KMT2E: variants seen among roughly 807,000 people sequenced by gnomAD.
KMT2E encodes the protein lysine methyltransferase 2E (inactive).
Under a neutral mutation model 184.6 loss-of-function variants are expected in KMT2E, and 30 were observed. The ratio of observed to expected loss-of-function variants is 0.16; its 90% CI spans 0.12 to 0.22. The LOEUF is 0.22. KMT2E is among the 10% of genes least tolerant of loss of function. The pLI is 1.00. For synonymous variants in KMT2E, 815 were observed against 776.5 expected, an observed-to-expected ratio of 1.05 and a Z score of -0.82; for missense variants, 2,023 against 2,237.4, an observed-to-expected ratio of 0.90 and a Z score of 1.93.
chr7:105,098,048 G>A (rs981427234), intron 15 of KMT2E, among the ~76,000 whole-genome samples: 3 of 152,110 alleles, frequency 2.0e-5, no homozygotes, highest in South Asian at 2.1e-4. Context: ...CAAGCCATAC[G>A]TGTTATTTTG....
chr7:105,111,903 A>C lies in KMT2E; in HGVS notation c.4147A>C (p.Thr1383Pro). Residue 1383 changes from threonine to proline, a missense_variant, in exon 27 of 27, where the codon ACA (threonine) becomes CCA (proline). Transcript: ENST00000311117. Reference sequence around the variant, plus strand: ...AAAACCAGATCCCCAATGGGACTCCACAGTTAGTGCATCCGAAGCTGAAAA... The same window carrying C: ...AAAACCAGATCCCCAATGGGACTCCCCAGTTAGTGCATCCGAAGCTGAAAA... ...FTKPDPQWDS[T>P]VSASEAENGV... 1 of 1,614,196 alleles carries C rather than the reference A, an allele frequency of 6.2e-7. No individual in the cohort carries two copies. Among genetic ancestry groups the C allele is most frequent in the Non-Finnish European group, 8.5e-7 (1 of 1,180,026 alleles).
At chr7:105,036,111 C>G (rs1468279902) in intron 1 of KMT2E, among the ~76,000 whole-genome samples, 1 of 149,290 alleles carries the variant, frequency 6.7e-6, no homozygotes, top group East Asian at 2.0e-4. Flanking sequence ...ATTATAAATT[C>G]TAGATTATTT....
chr7:105,058,020 C>T (rs1796644149), intron 3 of KMT2E, among the ~76,000 whole-genome samples: 1 of 152,144 alleles, frequency 6.6e-6, no homozygotes, highest in Non-Finnish European at 1.5e-5. Context: ...TCTATAACAA[C>T]CCCCTCTTTT....
intron 8 of KMT2E, 132 bp downstream of exon 8, chr7:105,074,947 A>G: frequency 1.6e-6 from 1 of 630,294 alleles, no homozygotes; most frequent in South Asian, 3.8e-5. Context: ...TTATTTTTAA[A>G]CAATTAAACT....
At chr7:105,040,156 T>G (rs1023515221) in intron 2 of KMT2E, among the ~76,000 whole-genome samples, 15 of 152,144 alleles carry the variant, frequency 9.9e-5, no homozygotes, top group Admixed American at 2.6e-4. Context: ...GTAATCAAAT[T>G]TTTACAAATA....
chr7:105,108,645 C>T (rs1799014500), intron 22 of KMT2E: 2 of 452,270 alleles, frequency 4.4e-6, no homozygotes, highest in Non-Finnish European at 4.3e-6. Flanking sequence ...CACTCACCAG[C>T]TGTGTGACCT....
Position 105,112,440 on chromosome 7 carries a change from C to T in KMT2E, c.4684C>T (p.Pro1562Ser), listed in dbSNP as rs767266117. 20 of 1,613,680 alleles carry T rather than the reference C, an allele frequency of 1.2e-5. No homozygotes were observed. Among genetic ancestry groups the T allele is most frequent in the Non-Finnish European group, 1.7e-5 (20 of 1,179,958 alleles). ...PSSSYYQNQQ[P>S]SANFQNYNQL... The stretch of plus-strand genomic sequence containing the variant: ...TTCGTCTTACTATCAAAACCAGCAG[C>T]CCTCTGCAAACTTTCAGAATTATAA... The change falls in exon 27 of 27, where the codon CCC becomes TCC. Residue 1562 changes from proline (P) to serine (S), a missense_variant. Physicochemically the swap from Pro to Ser is moderately conservative, Grantham distance 74. Coordinates refer to ENST00000311117, the MANE Select transcript of KMT2E (RefSeq NM_182931.3).
At chr7:105,063,000 CT>C (rs11336645) in intron 4 of KMT2E, among the ~76,000 whole-genome samples, 46,026 of 140,130 alleles carry the variant, frequency 0.33, 7,428 homozygotes, top group Non-Finnish European at 0.37. Context: ...TTTTCTTTTT[CT>C]TTTTTTTTTT....
chr7:105,061,437 G>A (rs990494926), intron 3 of KMT2E, among the ~76,000 whole-genome samples: 2 of 152,168 alleles, frequency 1.3e-5, no homozygotes, highest in Admixed American at 6.6e-5. Context: ...TCAGATGTAG[G>A]TTCACAACCT....
Position 105,023,446 on chromosome 7 carries a change from AT to A in KMT2E, c.-189+8927del, listed in dbSNP as rs768807801. On this transcript the variant is annotated intron_variant, in intron 1 of 26. Coordinates refer to ENST00000311117, the MANE Select transcript of KMT2E (RefSeq NM_182931.3). ...AAGAGAGACAAAAATTCATTAAGCA[AT>A]TTTTTTTTTTTTTTTGAGATGGAGT... Among the ~76,000 whole-genome samples, 588 of 129,280 alleles carry A rather than the reference AT, an allele frequency of 4.5e-3. 11 individuals carry two copies. In the East Asian group the frequency reaches 0.051, roughly 11 times the overall value. 84.8% of individuals were successfully genotyped at this position (129,280 alleles called of 152,430 possible). A position where few individuals can be genotyped will look rare whatever the true frequency, so the allele number is the denominator to read the frequency against.
chr7:105,060,901 T>G (rs758647961), intron 3 of KMT2E, among the ~76,000 whole-genome samples: 35 of 152,350 alleles, frequency 2.3e-4, no homozygotes, highest in South Asian at 1.0e-3. Context: ...TATAGTAGGC[T>G]ATACCATCTA....
chr7:105,056,951 G>GT (rs1315824817), intron 3 of KMT2E, among the ~76,000 whole-genome samples: 5 of 152,130 alleles, frequency 3.3e-5, no homozygotes, highest in African/African-American at 1.2e-4. Flanking sequence ...AAAATGCCTC[G>GT]TTATAAAAGA....
chr7:105,103,241 A>T (rs1798735425), intron 17 of KMT2E: 1 of 152,126 alleles, frequency 6.6e-6, no homozygotes, highest in Admixed American at 6.5e-5. Flanking sequence ...TGGTACGATA[A>T]ATTTATTTAA....
chr7:105,094,282 G>A (rs1472234055), intron 15 of KMT2E, among the ~76,000 whole-genome samples: 5 of 152,126 alleles, frequency 3.3e-5, no homozygotes, highest in African/African-American at 1.2e-4. Context: ...GTGACAAAGA[G>A]GGACAACTAA....
At chr7:105,069,300 C>A (rs1343889148) in intron 6 of KMT2E, among the ~76,000 whole-genome samples, 1 of 152,174 alleles carries the variant, frequency 6.6e-6, no homozygotes, top group Non-Finnish European at 1.5e-5. Context: ...TTTTATGTAG[C>A]TGTTTCATGT....
intron 3 of KMT2E, among the ~76,000 whole-genome samples, chr7:105,060,087 C>T (rs1049683726): frequency 1.9e-4 from 27 of 140,134 alleles, no homozygotes; most frequent in African/African-American, 6.3e-4. Flanking sequence ...CCTCTGCCAC[C>T]TGGGTTCAAG....
intron 12 of KMT2E, among the ~76,000 whole-genome samples, chr7:105,080,386 G>GTT (rs955628523): frequency 1.4e-5 from 2 of 143,670 alleles, no homozygotes; most frequent in African/African-American, 5.1e-5. Flanking sequence ...GAATGTAGGT[G>GTT]TTTTTTTTTT....
chr7:105,082,113 T>C (rs1353366038), intron 13 of KMT2E, among the ~76,000 whole-genome samples: 5 of 152,212 alleles, frequency 3.3e-5, no homozygotes, highest in Non-Finnish European at 7.3e-5. Context: ...ATAATTTTAG[T>C]CATACAGTTT....
At chr7:105,041,049 G>GAAAA in intron 3 of KMT2E, 26 bp downstream of exon 3, 1 of 521,034 alleles carries the variant, frequency 1.9e-6, no homozygotes. Flanking sequence ...GGTTACATAA[G>GAAAA]CAAAAAAAAA....
Sources: allele counts gnomAD v4.1 joint callset (sites outside exome capture counted in the v4.1 genomes callset), GRCh38; gene constraint gnomAD v4.1.1; transcripts MANE v1.5; gene names NCBI Gene and HGNC (gene_info 2026-07-23, HGNC 2026-07-21).